Variants in PPFIBP2 observed in about 807,000 individuals in gnomAD.
PPFIBP2 encodes liprin-beta-2.
A neutral mutation model predicts 118.3 loss-of-function variants in PPFIBP2; 118 were observed. The observed-to-expected ratio is 1.00, with a 90% CI of 0.86 to 1.16. The LOEUF (loss-of-function observed/expected upper bound fraction) is 1.16, where lower values mean the gene tolerates loss of function less well. PPFIBP2 is among the 50% of genes most tolerant of loss of function. The probability of loss-of-function intolerance (pLI) is 0.00; values close to 1 mark genes in which losing one functional copy is unlikely to be tolerated. For missense variants in PPFIBP2, 1,195 were observed against 1,073.1 expected (o/e 1.11, Z -1.59); for synonymous variants, 414 against 397.4 (o/e 1.04, Z -0.50).
chr11:7,596,042 G>A (rs775545842), intron 4 of PPFIBP2, among the ~76,000 whole-genome samples: 7 of 151,984 alleles, frequency 4.6e-5, no homozygotes, highest in Non-Finnish European at 1.0e-4. Flanking sequence ...CCCTTCATTT[G>A]TAATACTTAG....
intron 7 of PPFIBP2, among the ~76,000 whole-genome samples, chr11:7,622,619 T>A (rs1358842283): frequency 1.3e-5 from 2 of 152,246 alleles, no homozygotes; most frequent in East Asian, 3.8e-4. Context: ...ATGAAATGGA[T>A]GTACAGAGAG....
chr11:7,649,289 G>C, intron 20 of PPFIBP2, 54 bp downstream of exon 20: 2 of 1,439,170 alleles, frequency 1.4e-6, no homozygotes, highest in Non-Finnish European at 2.0e-6. Context: ...CTCAGCTCAC[G>C]TGTACCCATG....
At chr11:7,637,063 A>G (rs924177302) in intron 14 of PPFIBP2, among the ~76,000 whole-genome samples, 2 of 152,152 alleles carry the variant, frequency 1.3e-5, no homozygotes, top group Non-Finnish European at 2.9e-5. Flanking sequence ...CTCCACATCT[A>G]GCCCATGGAA....
At chr11:7,613,630 A>C (rs1016435130) in intron 6 of PPFIBP2, among the ~76,000 whole-genome samples, 1 of 152,222 alleles carries the variant, frequency 6.6e-6, no homozygotes, top group Non-Finnish European at 1.5e-5. Flanking sequence ...AGGATGAAGC[A>C]TGAAAGAAAG....
intron 1 of PPFIBP2, among the ~76,000 whole-genome samples, chr11:7,547,253 A>C (rs761766786): frequency 6.6e-6 from 1 of 152,104 alleles, no homozygotes; most frequent in Non-Finnish European, 1.5e-5. Context: ...GACAACTAGG[A>C]AGTGAGCTCA....
rs748925406 is a variant in PPFIBP2 at position 7,631,054 on chromosome 11, G to A, written c.1068+26G>A. 2.5e-6 allele frequency: 4 copies of A among 1,582,256 alleles called. No homozygotes were observed. In the Admixed American group the frequency reaches 6.7e-5, roughly 26 times the overall value. On this transcript the variant is annotated intron_variant, in intron 11 of 23. Coordinates refer to ENST00000299492, the MANE Select transcript of PPFIBP2 (RefSeq NM_003621.5). ...GTACTGTGTTTCCATCCATGACGTA[G>A]GGTTTCAGCAGGTCCTCCGAGCTTG...
chr11:7,644,883 C>T (rs1187604739), intron 17 of PPFIBP2, among the ~76,000 whole-genome samples: 11 of 150,758 alleles, frequency 7.3e-5, no homozygotes, highest in African/African-American at 1.2e-4. Context: ...AAAAATTAGC[C>T]GGGCGTGGTG....
intron 2 of PPFIBP2, among the ~76,000 whole-genome samples, chr11:7,559,150 A>C (rs1854004720): frequency 6.6e-6 from 1 of 152,208 alleles, no homozygotes; most frequent in Non-Finnish European, 1.5e-5. Flanking sequence ...AATGAAATAA[A>C]TAGAATTCCC....
chr11:7,516,054 T>A (rs1415938680), intron 1 of PPFIBP2, among the ~76,000 whole-genome samples: 3 of 152,244 alleles, frequency 2.0e-5, no homozygotes, highest in African/African-American at 7.2e-5. Flanking sequence ...TTTGCAAACC[T>A]GGCTATGCCT....
At position 7,616,170 on chromosome 11, in the gene PPFIBP2, AG is replaced by A. The variant is rs1312671856; in HGVS notation, c.619-4764del. 3.9e-5 allele frequency among the ~76,000 whole-genome samples: 6 copies of A among 152,176 alleles called. No individual in the cohort carries two copies. The highest frequency in any genetic ancestry group is 1.4e-4 in the African/African-American group (6 of 41,438). On this transcript the variant is annotated intron_variant, in intron 6 of 23. Coordinates refer to ENST00000299492, the MANE Select transcript of PPFIBP2 (RefSeq NM_003621.5). The surrounding 1 kb of genome is among the most constrained non-coding windows in gnomAD (Gnocchi z 5.2). ...CACGCACACACAAACACCCACACAC[AG>A]TTATGTTCTTAAAAAGAAAAAATGG...
At chr11:7,587,448 A>G (rs1254964456) in intron 3 of PPFIBP2, among the ~76,000 whole-genome samples, 1 of 152,244 alleles carries the variant, frequency 6.6e-6, no homozygotes, top group Non-Finnish European at 1.5e-5. Context: ...AATTTTAGTC[A>G]GTTGATCACC....
At chr11:7,546,828 C>T (rs1472397835) in intron 1 of PPFIBP2, among the ~76,000 whole-genome samples, 2 of 152,176 alleles carry the variant, frequency 1.3e-5, no homozygotes, top group Non-Finnish European at 2.9e-5. Flanking sequence ...CCTTCAAGAC[C>T]CAGGGAACTT....
chr11:7,646,792 C>A (rs1261644229), intron 17 of PPFIBP2, among the ~76,000 whole-genome samples: 1 of 152,122 alleles, frequency 6.6e-6, no homozygotes, highest in Non-Finnish European at 1.5e-5. Context: ...AACAAATACC[C>A]TGTCTCAAAA....
intron 1 of PPFIBP2, among the ~76,000 whole-genome samples, chr11:7,520,378 G>A (rs972066852): frequency 2.0e-5 from 3 of 152,240 alleles, no homozygotes; most frequent in Admixed American, 6.5e-5. Context: ...GCCGACGCAC[G>A]CTGCTAGCAC....
chr11:7,648,972 T>A, intron 19 of PPFIBP2, 61 bp downstream of exon 19: 1 of 1,497,006 alleles, frequency 6.7e-7, no homozygotes. Flanking sequence ...TAGAAAGAAT[T>A]TTCCTGTTAA....
At chr11:7,597,221 C>T in intron 4 of PPFIBP2, 1 of 1,511,796 alleles carries the variant, frequency 6.6e-7, no homozygotes, top group Non-Finnish European at 8.8e-7. Flanking sequence ...TGAGATGTGC[C>T]TTGAGGTCGG....
At chr11:7,581,892 A>G (rs1422386929) in intron 3 of PPFIBP2, among the ~76,000 whole-genome samples, 1 of 151,952 alleles carries the variant, frequency 6.6e-6, no homozygotes, top group Non-Finnish European at 1.5e-5. Flanking sequence ...GCTGGAGTGC[A>G]GTGGCACAAT....
rs535693287 is a variant in PPFIBP2, at chr11:7,614,647, T to G, written c.618+4225T>G. Among the ~76,000 whole-genome samples, 14 of 152,330 alleles carry G rather than the reference T, an allele frequency of 9.2e-5. No individual in the cohort carries two copies. The South Asian group carries it at 2.7e-3, about 29-fold the overall frequency. ...TCAAGGAGTACATGAACTTGAAATT[T>G]TGACAGATATTTCCAAATTGCCCTC... On this transcript the variant is annotated intron_variant, in intron 6 of 23. Transcript: ENST00000299492.
At chr11:7,537,182 C>T (rs1247382447) in intron 1 of PPFIBP2, among the ~76,000 whole-genome samples, 2 of 152,146 alleles carry the variant, frequency 1.3e-5, no homozygotes. Context: ...GGTGAGAGAC[C>T]CTTCTCAAGC....
Sources: allele counts gnomAD v4.1 joint callset (sites outside exome capture counted in the v4.1 genomes callset), GRCh38; gene constraint gnomAD v4.1.1; non-coding constraint Gnocchi (gnomAD v3.1); transcripts MANE v1.5; gene names NCBI Gene and HGNC (gene_info 2026-07-23, HGNC 2026-07-21).